The following AGBL1 variants were observed in gnomAD, a reference collection of about 807,000 sequenced individuals.
The protein encoded by AGBL1 is cytosolic carboxypeptidase 4.
In AGBL1, 130 loss-of-function variants were observed where a neutral mutation model predicts 118.9. The ratio of observed to expected loss-of-function variants is 1.09; its 90% confidence interval spans 0.95 to 1.26. AGBL1 has a LOEUF of 1.26. Ranked by LOEUF, AGBL1 falls within the 50% of genes most tolerant of loss-of-function variation. AGBL1 has a pLI of 0.00. For synonymous variants in AGBL1, 555 were observed against 478.9 expected (o/e 1.16, Z -2.08); for missense variants, 1,584 against 1,298.1 (o/e 1.22, Z -3.38).
chr15:86,633,852 A>G (rs1291170746), intron 21 of AGBL1, among the ~76,000 whole-genome samples: 26 of 35,392 alleles, frequency 7.3e-4, no homozygotes, highest in African/African-American at 1.5e-3. Flanking sequence ...TATAATGTAT[A>G]TATATATATA....
intron 17 of AGBL1, among the ~76,000 whole-genome samples, chr15:86,358,107 C>A (rs926076888): frequency 5.3e-5 from 8 of 152,078 alleles, no homozygotes; most frequent in Non-Finnish European, 1.2e-4. Flanking sequence ...CTATGGTCAG[C>A]ATGCTGTACA....
chr15:86,299,848 T>A (rs1010790904), intron 17 of AGBL1: 3 of 152,048 alleles, frequency 2.0e-5, no homozygotes, highest in African/African-American at 7.2e-5. Flanking sequence ...TTTCTTAAAT[T>A]TGAACTGAGA....
At chr15:86,756,943 C>CTTT (rs11383287) in intron 22 of AGBL1, among the ~76,000 whole-genome samples, 6 of 142,850 alleles carry the variant, frequency 4.2e-5, no homozygotes, top group African/African-American at 7.7e-5. Context: ...ATAAACATGT[C>CTTT]TTTTTTTTTT....
chr15:86,990,614 T>TAAGA lies in AGBL1; in HGVS notation c.3323+2528_3323+2531dup, dbSNP rs1486311064. On this transcript the variant is annotated intron_variant, in intron 24 of 24. Transcript: ENST00000441037. ...ACTTACTATCTACCAGGCACTCTTC[T>TAAGA]AAGAATTTCATAAATATGTACTCAT... Among the ~76,000 whole-genome samples, 5 of 152,246 alleles carry TAAGA rather than the reference T, an allele frequency of 3.3e-5. No homozygotes were observed. The East Asian group carries it at 9.6e-4, about 29-fold the overall frequency.
At chr15:86,974,805 G>A (rs549027238) in intron 23 of AGBL1, among the ~76,000 whole-genome samples, 1 of 151,652 alleles carries the variant, frequency 6.6e-6, no homozygotes, top group African/African-American at 2.4e-5. Flanking sequence ...GTTAGTTGGG[G>A]ATATGGTGGA....
intron 21 of AGBL1, among the ~76,000 whole-genome samples, chr15:86,562,924 T>G (rs1382698529): frequency 6.6e-6 from 1 of 152,246 alleles, no homozygotes; most frequent in Non-Finnish European, 1.5e-5. Context: ...TTCTAGTTTA[T>G]TTGTGTAGAG....
rs116812982 is a variant in AGBL1 at position 86,629,452 on chromosome 15, G to A, written c.2995-44821G>A. Among the ~76,000 whole-genome samples, 442 of 152,202 alleles carry A rather than the reference G, an allele frequency of 2.9e-3. 2 individuals are homozygous for A. The highest frequency in any genetic ancestry group is 9.9e-3 in the African/African-American group (413 of 41,530). On this transcript the variant is annotated intron_variant, in intron 21 of 22. Coordinates refer to ENST00000614907, the MANE Select transcript of AGBL1 (RefSeq NM_001386094.1). ...GTTTGTCTGTGTGAACAGGACATAC[G>A]AAGCCTAAAGGCAAGCTTTATCATC...
intron 22 of AGBL1, among the ~76,000 whole-genome samples, chr15:86,865,266 A>G (rs538318476): frequency 6.6e-6 from 1 of 152,356 alleles, no homozygotes; most frequent in South Asian, 2.1e-4. Flanking sequence ...TCCTCATTTT[A>G]TAGAAGAGGA....
intron 18 of AGBL1, among the ~76,000 whole-genome samples, chr15:86,451,264 A>G (rs930679080): frequency 6.6e-6 from 1 of 152,220 alleles, no homozygotes; most frequent in South Asian, 2.1e-4. Flanking sequence ...ATTGCTGGTC[A>G]TGTAAGCTAA....
At chr15:86,895,440 G>C (rs1184118524) in intron 22 of AGBL1, among the ~76,000 whole-genome samples, 4 of 147,834 alleles carry the variant, frequency 2.7e-5, no homozygotes, top group African/African-American at 1.0e-4. Context: ...TGTATTTCTT[G>C]AGCTCCGTTT....
chr15:86,567,371 A>G (rs74026904), intron 21 of AGBL1, among the ~76,000 whole-genome samples: 106 of 152,244 alleles, frequency 7.0e-4, no homozygotes, highest in African/African-American at 2.4e-3. Context: ...CATTTATTCT[A>G]TCTGTCAAAA....
chr15:86,098,599 C>T (rs1210739570), intron 1 of AGBL1, among the ~76,000 whole-genome samples: 1 of 152,092 alleles, frequency 6.6e-6, no homozygotes. Context: ...TTCTTGGTAC[C>T]TTTGTCCAAA....
At position 86,287,707 on chromosome 15, in the gene AGBL1, A is replaced by C. The variant is rs954260782; in HGVS notation, c.2221-7548A>C. 8.5e-5 allele frequency among the ~76,000 whole-genome samples: 13 copies of C among 152,266 alleles called. No homozygotes were observed. The East Asian group carries it at 2.1e-3, about 25-fold the overall frequency. ...TGAGAAAGCTTCACCACTGGCAAGGACCCATGTGGTCATAATAAAATGTGA... is the reference window on the plus strand; with the variant it reads ...TGAGAAAGCTTCACCACTGGCAAGGCCCCATGTGGTCATAATAAAATGTGA... On this transcript the variant is annotated intron_variant, in intron 16 of 22. Coordinates refer to ENST00000614907, the MANE Select transcript of AGBL1 (RefSeq NM_001386094.1).
At chr15:86,218,451 C>T (rs1227206238) in intron 5 of AGBL1, among the ~76,000 whole-genome samples, 2 of 152,064 alleles carry the variant, frequency 1.3e-5, no homozygotes, top group Admixed American at 6.6e-5. Flanking sequence ...TCAGGTGGCC[C>T]CCTGCCATGA....
chr15:86,134,717 G>A (rs912434714), intron 1 of AGBL1, among the ~76,000 whole-genome samples: 2 of 144,248 alleles, frequency 1.4e-5, no homozygotes, highest in Non-Finnish European at 3.0e-5. Flanking sequence ...AGGTTCAAAC[G>A]ACTCTTCTGC....
chr15:86,192,462 A>C (rs2077738820), intron 5 of AGBL1, among the ~76,000 whole-genome samples: 1 of 151,940 alleles, frequency 6.6e-6, no homozygotes, highest in South Asian at 2.1e-4. Context: ...TGTCTATCAC[A>C]TGGGCCATTC....
At chr15:86,516,858 G>T (rs571901704) in intron 18 of AGBL1, among the ~76,000 whole-genome samples, 46 of 151,908 alleles carry the variant, frequency 3.0e-4, no homozygotes, top group African/African-American at 1.1e-3. Context: ...CAAGTGATGC[G>T]GTAGGGCTCT....
In AGBL1 at chr15:86,207,485, C is replaced by T. The variant is rs1404734631; in HGVS notation, c.489-17429C>T. ...CATTTGTTTGTGTCCTCTTTTATCT[C>T]GTTGAGCAGTGGTTTGTAGTTCTCC... On this transcript the variant is annotated intron_variant, in intron 5 of 22. Coordinates refer to ENST00000614907, the MANE Select transcript of AGBL1 (RefSeq NM_001386094.1). 5.3e-5 allele frequency among the ~76,000 whole-genome samples: 8 copies of T among 152,204 alleles called. No individual in the cohort carries two copies. The South Asian group carries it at 1.7e-3, about 32-fold the overall frequency.
At chr15:86,576,806 A>G (rs1366459208) in intron 21 of AGBL1, among the ~76,000 whole-genome samples, 2 of 152,204 alleles carry the variant, frequency 1.3e-5, no homozygotes, top group Non-Finnish European at 2.9e-5. Context: ...GTTTCCTTGC[A>G]CAAGCCCTCT....
Sources: allele counts gnomAD v4.1 joint callset (sites outside exome capture counted in the v4.1 genomes callset), GRCh38; gene constraint gnomAD v4.1.1; transcripts MANE v1.5; gene names NCBI Gene and HGNC (gene_info 2026-07-23, HGNC 2026-07-21).